Variants in DMXL1 observed in about 807,000 individuals in gnomAD.
The protein encoded by DMXL1 is Dmx like 1, also known as dmX-like protein 1.
Under a neutral mutation model 319.2 loss-of-function variants are expected in DMXL1, and 99 were observed. The observed-to-expected ratio is 0.31, with a 90% CI of 0.26 to 0.37. DMXL1 has a LOEUF of 0.37. Ranked by LOEUF, DMXL1 falls within the 10% of genes least tolerant of loss-of-function variation. The pLI is 1.00. For missense variants in DMXL1, 3,745 were observed against 3,595.6 expected (o/e 1.04, Z -1.06); for synonymous variants, 1,385 against 1,235.2 (o/e 1.12, Z -2.54).
chr5:119,121,103 C>T lies in DMXL1; in HGVS notation c.1066C>T (p.His356Tyr), dbSNP rs761033172. 12 of 1,608,544 alleles carry T rather than the reference C, an allele frequency of 7.5e-6. No individual in the cohort carries two copies. Among genetic ancestry groups the T allele is most frequent in the Non-Finnish European group, 8.5e-6 (10 of 1,178,430 alleles). Reference sequence around the variant, plus strand: ...TCCACTGCATGCCAATGCACTTTGCCACTTTCATATTGCAGCCAGCATCAA... The same window carrying T: ...TCCACTGCATGCCAATGCACTTTGCTACTTTCATATTGCAGCCAGCATCAA... Reference protein sequence around the residue: ...NTPLHANALCHFHIAASINPA... With the variant: ...NTPLHANALCYFHIAASINPA... The change falls in exon 9 of 44, where the codon CAC (histidine) becomes TAC (tyrosine). Residue 356 changes from histidine (H) to tyrosine (Y), a missense_variant. Around this residue, in one of 4 missense-constraint regions of DMXL1, gnomAD observed 2,096 missense variants for 1,985.4 expected, o/e 1.06. Transcript: ENST00000539542.
At chr5:119,193,646 G>T (rs1779096366) in intron 29 of DMXL1, among the ~76,000 whole-genome samples, 182 bp from the exon 30 acceptor site, 2 of 152,214 alleles carry the variant, frequency 1.3e-5, no homozygotes, top group South Asian at 4.1e-4. Flanking sequence ...TTGCTGAATG[G>T]ATGAATAAAT....
chr5:119,236,767 A>G (rs1180304899), intron 39 of DMXL1: 1 of 151,930 alleles, frequency 6.6e-6, no homozygotes, highest in Non-Finnish European at 1.5e-5. Flanking sequence ...AAAGGGAAAA[A>G]ATTTAGCTGT....
At chr5:119,100,468 G>A (rs940043641) in intron 2 of DMXL1, 1 of 151,012 alleles carries the variant, frequency 6.6e-6, no homozygotes, top group African/African-American at 2.4e-5. Context: ...AAATGTCATA[G>A]GCACCTGTAT....
At chr5:119,235,478 TAAG>T (rs1374878691) in intron 39 of DMXL1, among the ~76,000 whole-genome samples, 1 of 151,904 alleles carries the variant, frequency 6.6e-6, no homozygotes, top group African/African-American at 2.4e-5. Flanking sequence ...AAGCACAAAT[TAAG>T]AAACTATCCC....
intron 3 of DMXL1, 26 bp from the exon 4 acceptor site, chr5:119,105,154 G>C: frequency 6.8e-7 from 1 of 1,467,950 alleles, no homozygotes; most frequent in African/African-American, 1.4e-5. Context: ...AATCATAATG[G>C]GCTAAATGAC....
At chr5:119,208,257 A>G (rs1490996568) in intron 34 of DMXL1, among the ~76,000 whole-genome samples, 2 of 143,682 alleles carry the variant, frequency 1.4e-5, no homozygotes, top group Non-Finnish European at 3.0e-5. Flanking sequence ...CAGGTTTCCC[A>G]GACTGGAGTG....
intron 20 of DMXL1, among the ~76,000 whole-genome samples, chr5:119,164,899 A>G (rs1171440464): frequency 1.4e-5 from 2 of 145,028 alleles, no homozygotes; most frequent in African/African-American, 2.4e-5. Flanking sequence ...TTAGTAGTAT[A>G]TGTCTGATTT....
chr5:119,125,342 C>T (rs1418970355), intron 9 of DMXL1, among the ~76,000 whole-genome samples: 1 of 152,136 alleles, frequency 6.6e-6, no homozygotes, highest in Non-Finnish European at 1.5e-5. Context: ...TCTATAAATG[C>T]ATTTCCCCAC....
chr5:119,146,484 C>T (rs1768565797), intron 15 of DMXL1, among the ~76,000 whole-genome samples: 1 of 151,892 alleles, frequency 6.6e-6, no homozygotes, highest in Admixed American at 6.6e-5. Flanking sequence ...AAATGTTTGG[C>T]ACCACCATTT....
In DMXL1 at chr5:119,101,937, T is replaced by C; in HGVS notation, c.216T>C (p.Ile72=). The C allele has an allele frequency of 1.3e-6, 2 of 1,594,254 alleles. No homozygotes were observed. Among genetic ancestry groups the C allele is most frequent in the East Asian group, 4.5e-5 (2 of 44,540 alleles). ...CVDCSMQQGK[I]AASYGNVISI... is the part of the protein sequence containing the mutation. ...AATTCTTTTTTTCTTTTTAAAAGATTGCAGCGTCTTATGGAAATGTTATCT... is the reference window on the plus strand; with the variant it reads ...AATTCTTTTTTTCTTTTTAAAAGATCGCAGCGTCTTATGGAAATGTTATCT... The change falls in exon 3 of 44, where the codon ATT becomes ATC. Residue 72 remains isoleucine (I), a splice_region_variant and synonymous_variant. Transcript: ENST00000539542.
intron 5 of DMXL1, among the ~76,000 whole-genome samples, chr5:119,110,870 C>T (rs931013005): frequency 4.6e-5 from 7 of 152,192 alleles, no homozygotes; most frequent in Non-Finnish European, 7.4e-5. Flanking sequence ...CTTACTGCAA[C>T]CTCCACCTCC....
chr5:119,132,592 G>C (rs770994756), intron 10 of DMXL1: 10 of 286,978 alleles, frequency 3.5e-5, no homozygotes, highest in African/African-American at 6.7e-5. Context: ...AGGCGGAATT[G>C]CTTGGACCCG....
intron 9 of DMXL1, among the ~76,000 whole-genome samples, chr5:119,123,303 GA>G (rs1201093375): frequency 7.2e-6 from 1 of 138,042 alleles, no homozygotes; most frequent in Non-Finnish European, 1.6e-5. Flanking sequence ...GAAAGAGGGA[GA>G]GGGGAGACCG....
chr5:119,128,615 A>T lies in DMXL1; in HGVS notation c.1103-596A>T, dbSNP rs1227617667. Among the ~76,000 whole-genome samples, 3 of 152,178 alleles carry T rather than the reference A, an allele frequency of 2.0e-5. No individual in the cohort carries two copies. In the East Asian group the frequency reaches 5.8e-4, roughly 29 times the overall value. On this transcript the variant is annotated intron_variant, in intron 9 of 43. Transcript: ENST00000539542. ...AAACTGTAGACGTTGGGTGATAGTG[A>T]TGTGTCAGTGTAGATTCATCAATTG...
In DMXL1 at chr5:119,071,424, G is replaced by GCGGCTC. The variant is rs1749521473; in HGVS notation, c.-138_-133dup. 1 of 788,810 alleles carries GCGGCTC rather than the reference G, an allele frequency of 1.3e-6. No homozygotes were observed. Among genetic ancestry groups the GCGGCTC allele is most frequent in the Non-Finnish European group, 2.1e-6 (1 of 483,890 alleles). The allele number at this position is 788,810 out of a possible 1,614,324, so 48.9% of individuals were successfully genotyped here. A position where few individuals can be genotyped will look rare whatever the true frequency, so the allele number is the denominator to read the frequency against. ...GGGATGAGTCGCGGGCCCCAGCTGAGCGGCTCCGGCTCCAGGCGCCTGTCG... is the reference window on the plus strand; with the variant it reads ...GGGATGAGTCGCGGGCCCCAGCTGAGCGGCTCCGGCTCCGGCTCCAGGCGCCTGTCG... On this transcript the variant is annotated 5_prime_UTR_variant, in exon 1 of 44. Coordinates refer to ENST00000539542, the MANE Select transcript of DMXL1 (RefSeq NM_001290321.3).
intron 9 of DMXL1, among the ~76,000 whole-genome samples, chr5:119,126,595 G>C (rs1039420596): frequency 4.6e-5 from 7 of 152,124 alleles, no homozygotes; most frequent in African/African-American, 7.2e-5. Context: ...TTCAAGCATC[G>C]TAATCTCTGT....
At chr5:119,153,047 G>A (rs547530300) in intron 19 of DMXL1, among the ~76,000 whole-genome samples, 23 of 151,000 alleles carry the variant, frequency 1.5e-4, no homozygotes, top group South Asian at 4.2e-4. Context: ...TGTGATTTCC[G>A]CACACTGCAA....
chr5:119,122,685 C>T (rs1305114521), intron 9 of DMXL1, among the ~76,000 whole-genome samples: 7 of 150,128 alleles, frequency 4.7e-5, no homozygotes, highest in Non-Finnish European at 8.9e-5. Context: ...CGGGCAGAGG[C>T]GCTCCTCACA....
chr5:119,149,534 A>G lies in DMXL1; in HGVS notation c.3707A>G (p.His1236Arg). The change falls in exon 18 of 44, where the codon CAT (histidine) becomes CGT (arginine). Residue 1236 changes from histidine (H) to arginine (R), a missense_variant. Around this residue, in one of 4 missense-constraint regions of DMXL1, gnomAD observed 2,096 missense variants for 1,985.4 expected, o/e 1.06. Coordinates refer to ENST00000539542, the MANE Select transcript of DMXL1 (RefSeq NM_001290321.3). Reference protein sequence around the residue: ...ILVVGMDCEMHVYCQWQPSSK... With the variant: ...ILVVGMDCEMRVYCQWQPSSK... ...GTGGTAGGAATGGACTGTGAAATGC[A>G]TGTGTATTGCCAATGGCAACCATCT... The G allele has an allele frequency of 3.1e-6, 5 of 1,613,936 alleles. No individual in the cohort carries two copies. Among genetic ancestry groups the G allele is most frequent in the Non-Finnish European group, 2.5e-6 (3 of 1,179,916 alleles).
Sources: gnomAD v4.1 joint callset for allele counts (sites outside exome capture counted in the v4.1 genomes callset) on GRCh38, gnomAD v4.1.1 for gene constraint, gnomAD v4.1.1 regional missense constraint, MANE v1.5 for transcripts, NCBI Gene and HGNC (gene_info 2026-07-23, HGNC 2026-07-21) for gene names.